The following COG2 variants were observed in gnomAD, a reference collection of about 807,000 sequenced individuals.
COG2 encodes the protein component of oligomeric golgi complex 2.
A neutral mutation model predicts 90.6 loss-of-function variants in COG2; 52 were observed. That is an observed-to-expected ratio of 0.57 (90% CI 0.46 to 0.72). The LOEUF (loss-of-function observed/expected upper bound fraction) is 0.72, where lower values mean the gene tolerates loss of function less well. COG2 is among the 30% of genes least tolerant of loss of function. The probability of loss-of-function intolerance (pLI) is 0.00; values close to 1 mark genes in which losing one functional copy is unlikely to be tolerated. For missense variants in COG2, 829 were observed against 891.2 expected, an observed-to-expected ratio of 0.93 and a Z score of 0.89; for synonymous variants, 337 against 320.4, an observed-to-expected ratio of 1.05 and a Z score of -0.55.
intron 11 of COG2, 44 bp downstream of exon 11, chr1:230,683,679 T>C: frequency 7.9e-7 from 1 of 1,269,528 alleles, no homozygotes; most frequent in Non-Finnish European, 1.2e-6. Flanking sequence ...CCTAAATGAG[T>C]TCATTCAGTT....
intron 13 of COG2, among the ~76,000 whole-genome samples, 178 bp downstream of exon 13, chr1:230,687,310 G>C (rs1662907313): frequency 6.6e-6 from 1 of 152,160 alleles, no homozygotes; most frequent in African/African-American, 2.4e-5. Flanking sequence ...AGCTTCCCCT[G>C]ACAGGTCATG....
chr1:230,693,546 C>T lies in COG2; in HGVS notation c.*153C>T, dbSNP rs890246159. On this transcript the variant is annotated 3_prime_UTR_variant, in exon 18 of 18. Coordinates refer to ENST00000366669, the MANE Select transcript of COG2 (RefSeq NM_007357.3). ...CCAGCAACACGCCCATGCGTCTTCTCTCAGCGTATTTGGGTCTTCTTTGCC... is the reference window on the plus strand; with the variant it reads ...CCAGCAACACGCCCATGCGTCTTCTTTCAGCGTATTTGGGTCTTCTTTGCC... 7.7e-6 allele frequency: 4 copies of T among 517,426 alleles called. No individual in the cohort carries two copies. Among genetic ancestry groups the T allele is most frequent in the Non-Finnish European group, 1.4e-5 (4 of 287,138 alleles). 32.1% of individuals were successfully genotyped at this position (517,426 alleles called of 1,614,324 possible).
chr1:230,661,411 T>G (rs1662175916), intron 3 of COG2: 1 of 152,222 alleles, frequency 6.6e-6, no homozygotes, highest in Non-Finnish European at 1.5e-5. Flanking sequence ...GAAGGGAGTT[T>G]TGGCATCATT....
intron 9 of COG2, chr1:230,678,429 G>A (rs1411853547): frequency 3.0e-6 from 3 of 985,178 alleles, no homozygotes. Context: ...CACTCTTAAT[G>A]GTTTTGGTAC....
At position 230,669,457 on chromosome 1, in the gene COG2, G is replaced by A. The variant is rs1159925056; in HGVS notation, c.696G>A (p.Arg232=). 1.9e-6 allele frequency: 3 copies of A among 1,613,946 alleles called. No individual in the cohort carries two copies. The highest frequency in any genetic ancestry group is 2.5e-6 in the Non-Finnish European group (3 of 1,179,990). ...TCGATATAATACGGCACTGCTTGCG[G>A]ACTTACGCCACGATTGACAAGACAC... is the stretch of plus-strand genomic sequence containing the variant. ...SDVDIIRHCL[R]TYATIDKTRD... is the part of the protein sequence containing the mutation. Residue 232 remains arginine (R), a synonymous_variant, in exon 7 of 18, where the codon CGG becomes CGA. Coordinates refer to ENST00000366669, the MANE Select transcript of COG2 (RefSeq NM_007357.3).
At chr1:230,661,031 T>A (rs1662168396) in intron 3 of COG2, among the ~76,000 whole-genome samples, 3 of 152,216 alleles carry the variant, frequency 2.0e-5, no homozygotes, top group Non-Finnish European at 4.4e-5. Flanking sequence ...TATGTTTGAT[T>A]TGAATATGAC....
In COG2 at chr1:230,690,164, T is replaced by TA; in HGVS notation, c.1934+15dup. ...TGAAAGCACTCATAAGTAAGTAAATTAAAAGCAGACCTTGTGGGCCTTGCT... is the reference window on the plus strand; with the variant it reads ...TGAAAGCACTCATAAGTAAGTAAATTAAAAAGCAGACCTTGTGGGCCTTGCT... On this transcript the variant is annotated intron_variant, in intron 16 of 17. Coordinates refer to ENST00000366669, the MANE Select transcript of COG2 (RefSeq NM_007357.3). 8.7e-6 allele frequency: 14 copies of TA among 1,609,958 alleles called. No individual in the cohort carries two copies. Among genetic ancestry groups the TA allele is most frequent in the Non-Finnish European group, 1.1e-5 (13 of 1,178,300 alleles).
At chr1:230,688,942 G>A (rs1287490842) in intron 15 of COG2, among the ~76,000 whole-genome samples, 2 of 152,044 alleles carry the variant, frequency 1.3e-5, no homozygotes, top group Non-Finnish European at 2.9e-5. Context: ...ATTGTTACTG[G>A]AAGCATAGTT....
chr1:230,644,204 A>G (rs371904680), intron 1 of COG2, among the ~76,000 whole-genome samples: 1 of 152,232 alleles, frequency 6.6e-6, no homozygotes, highest in South Asian at 2.1e-4. Flanking sequence ...CAGCAATTGC[A>G]TATTTCGTGG....
chr1:230,660,000 T>C (rs1413317016), intron 2 of COG2, among the ~76,000 whole-genome samples: 2 of 152,234 alleles, frequency 1.3e-5, no homozygotes, highest in Admixed American at 6.5e-5. Flanking sequence ...ATACATACGC[T>C]AGCCACAGCT....
At chr1:230,692,916 A>G (rs910828549) in intron 17 of COG2, among the ~76,000 whole-genome samples, 1 of 152,134 alleles carries the variant, frequency 6.6e-6, no homozygotes, top group African/African-American at 2.4e-5. Context: ...GTTTTTGGCA[A>G]TATGTTAAGA....
Position 230,691,571 on chromosome 1 carries a change from C to T in COG2, c.2115+7C>T, listed in dbSNP as rs368903742. On this transcript the variant is annotated splice_region_variant and intron_variant, in intron 17 of 17. Transcript: ENST00000366669. Reference sequence around the variant, plus strand: ...TGAGTACTTGGGAGAGCAGGTAACCCATCAGCCGCCGGCAGCTCCAGCGAG... The same window carrying T: ...TGAGTACTTGGGAGAGCAGGTAACCTATCAGCCGCCGGCAGCTCCAGCGAG... 14 of 1,601,864 alleles carry T rather than the reference C, an allele frequency of 8.7e-6. No homozygotes were observed. In the African/African-American group the frequency reaches 1.7e-4, roughly 20 times the overall value.
chr1:230,649,475 G>A (rs1007146602), intron 1 of COG2, among the ~76,000 whole-genome samples: 3 of 152,140 alleles, frequency 2.0e-5, no homozygotes, highest in African/African-American at 7.2e-5. Flanking sequence ...ATACCACTTT[G>A]TAAGGGTCTT....
At position 230,676,700 on chromosome 1, in the gene COG2, T is replaced by C. The variant is rs189191341; in HGVS notation, c.1026+1576T>C. Among the ~76,000 whole-genome samples, 158 of 152,214 alleles carry C rather than the reference T, an allele frequency of 1.0e-3. 3 individuals are homozygous for C. The East Asian group carries it at 0.022, about 22-fold the overall frequency. On this transcript the variant is annotated intron_variant, in intron 9 of 17. Coordinates refer to ENST00000366669, the MANE Select transcript of COG2 (RefSeq NM_007357.3). ...AAATTCATGTTAGAAGACTTTTTAG[T>C]CTTCTAACTGTTGATGATAATTTAT...
At chr1:230,678,778 G>T (rs767216042) in intron 9 of COG2, 135 bp from the exon 10 acceptor site, 2 of 1,549,196 alleles carry the variant, frequency 1.3e-6, no homozygotes, top group East Asian at 2.4e-5. Flanking sequence ...GAAAGATCTT[G>T]TAAGTTCCTT....
At chr1:230,668,950 G>C (rs1662383492) in intron 6 of COG2, 166 bp downstream of exon 6, 2 of 515,368 alleles carry the variant, frequency 3.9e-6, no homozygotes, top group Non-Finnish European at 6.8e-6. Context: ...ACACATTATA[G>C]ATTTTGTGTA....
rs575004236 is a variant in COG2 at position 230,658,269 on chromosome 1, C to T, written c.73-1195C>T. ...GGAGTCTTTGAGTGGACATGCTATTCCTTTCTGTTTGTTAGTTTTCTTTCT... is the reference window on the plus strand; with the variant it reads ...GGAGTCTTTGAGTGGACATGCTATTTCTTTCTGTTTGTTAGTTTTCTTTCT... On this transcript the variant is annotated intron_variant, in intron 1 of 17. Coordinates refer to ENST00000366669, the MANE Select transcript of COG2 (RefSeq NM_007357.3). 1.2e-4 allele frequency among the ~76,000 whole-genome samples: 18 copies of T among 152,054 alleles called. 1 individual carries two copies. The highest frequency in any genetic ancestry group is 3.6e-4 in the African/African-American group (15 of 41,524).
At chr1:230,691,036 C>T (rs1663012196) in intron 16 of COG2, among the ~76,000 whole-genome samples, 1 of 152,042 alleles carries the variant, frequency 6.6e-6, no homozygotes, top group Non-Finnish European at 1.5e-5. Flanking sequence ...TGTCCACCCT[C>T]GATACATGAA....
chr1:230,656,753 G>A (rs1662064140), intron 1 of COG2, among the ~76,000 whole-genome samples: 1 of 152,126 alleles, frequency 6.6e-6, no homozygotes, highest in Admixed American at 6.5e-5. Flanking sequence ...TTATGGATCT[G>A]GGTGCTCCTG....
Sources: gnomAD v4.1 joint callset for allele counts (sites outside exome capture counted in the v4.1 genomes callset) on GRCh38, gnomAD v4.1.1 for gene constraint, MANE v1.5 for transcripts, NCBI Gene and HGNC (gene_info 2026-07-23, HGNC 2026-07-21) for gene names.